GABRG1: variants seen among roughly 807,000 people sequenced by gnomAD.
GABRG1 encodes gamma-aminobutyric acid type A receptor subunit gamma1, also known as gamma-aminobutyric acid receptor subunit gamma-1.
GABRG1 carries 49 observed loss-of-function variants against 49.8 expected under a neutral mutation model. That is an observed-to-expected ratio of 0.98 (90% CI 0.78 to 1.25). GABRG1 has a LOEUF of 1.25. GABRG1 is among the 50% of genes most tolerant of loss of function. The probability of loss-of-function intolerance (pLI) is 0.00; values close to 1 mark genes in which losing one functional copy is unlikely to be tolerated. For missense variants in GABRG1, 552 were observed against 552.3 expected (o/e 1.00, Z 0.01); for synonymous variants, 232 against 185.1 (o/e 1.25, Z -2.06).
chr4:46,105,377 TACAG>T (rs1720500235), intron 1 of GABRG1, among the ~76,000 whole-genome samples: 1 of 151,482 alleles, frequency 6.6e-6, no homozygotes, highest in African/African-American at 2.4e-5. Context: ...GGAAGAATGA[TACAG>T]ACAAATATAA....
intron 1 of GABRG1, among the ~76,000 whole-genome samples, chr4:46,103,354 A>G (rs1222683535): frequency 6.6e-6 from 1 of 151,616 alleles, no homozygotes; most frequent in Admixed American, 6.6e-5. Context: ...TGTACAGAAA[A>G]AATTCACTGG....
At chr4:46,121,944 C>T (rs187628588) in intron 1 of GABRG1, among the ~76,000 whole-genome samples, 76 of 152,150 alleles carry the variant, frequency 5.0e-4, no homozygotes, top group Non-Finnish European at 8.8e-4. Context: ...TTGAAAAGTA[C>T]TTAGATAAAA....
intron 1 of GABRG1, among the ~76,000 whole-genome samples, chr4:46,098,288 T>TA (rs1354181837): frequency 6.6e-6 from 1 of 151,756 alleles, no homozygotes; most frequent in Non-Finnish European, 1.5e-5. Context: ...TGCCCATAAG[T>TA]AACGCCATCT....
chr4:46,087,166 T>A (rs973118516), intron 2 of GABRG1, among the ~76,000 whole-genome samples: 1 of 151,698 alleles, frequency 6.6e-6, no homozygotes, highest in Non-Finnish European at 1.5e-5. Context: ...TTTCTCTATT[T>A]TTTTTAAAGA....
chr4:46,051,378 A>C, intron 8 of GABRG1, 46 bp downstream of exon 8: 1 of 1,354,592 alleles, frequency 7.4e-7, no homozygotes, highest in Non-Finnish European at 1.0e-6. Flanking sequence ...GAGTATCTCT[A>C]AGTAAGTTGA....
chr4:46,105,386 A>C (rs377052281), intron 1 of GABRG1, among the ~76,000 whole-genome samples: 3 of 151,558 alleles, frequency 2.0e-5, no homozygotes, highest in Non-Finnish European at 4.4e-5. Flanking sequence ...ATACAGACAA[A>C]TATAAACACT....
chr4:46,041,226 G>A lies in GABRG1; in HGVS notation c.1160C>T (p.Thr387Ile), dbSNP rs575728108. The A allele has an allele frequency of 2.5e-6, 4 of 1,612,636 alleles. No homozygotes were observed. The highest frequency in any genetic ancestry group is 3.4e-6 in the Non-Finnish European group (4 of 1,179,098). ...SMTPGLHPGS[T>I]LIPMNNISVP... ...AGAAATATTATTCATTGGAATCAGA[G>A]TGGATCCAGGATGGAGACCAGGAGT... The change falls in exon 9 of 9, where the codon ACT becomes ATT. Residue 387 changes from threonine to isoleucine, a missense_variant. Transcript: ENST00000295452.
intron 8 of GABRG1, among the ~76,000 whole-genome samples, chr4:46,045,052 T>G (rs1203236690): frequency 6.6e-6 from 1 of 152,054 alleles, no homozygotes; most frequent in Non-Finnish European, 1.5e-5. Flanking sequence ...CATACGAAAC[T>G]TACCGGGCCT....
At chr4:46,070,979 C>T (rs181475029) in intron 3 of GABRG1, among the ~76,000 whole-genome samples, 1 of 152,132 alleles carries the variant, frequency 6.6e-6, no homozygotes, top group Admixed American at 6.6e-5. Context: ...TCATGCACTG[C>T]CTAATGACAT....
intron 5 of GABRG1, among the ~76,000 whole-genome samples, chr4:46,061,427 C>A (rs560516262): frequency 4.7e-4 from 71 of 152,112 alleles, no homozygotes; most frequent in African/African-American, 1.7e-3. Context: ...TACACTCTAC[C>A]AAATTCTAGA....
intron 3 of GABRG1, among the ~76,000 whole-genome samples, chr4:46,076,895 G>A (rs1025970862): frequency 4.6e-5 from 7 of 151,336 alleles, no homozygotes; most frequent in Admixed American, 2.6e-4. Context: ...TCTAGGGTGT[G>A]TATATATATA....
intron 2 of GABRG1, among the ~76,000 whole-genome samples, chr4:46,089,216 C>T (rs2109426196): frequency 6.6e-6 from 1 of 151,948 alleles, no homozygotes; most frequent in East Asian, 2.0e-4. Flanking sequence ...CCAGATTTCC[C>T]AAGCCAGGGA....
intron 1 of GABRG1, among the ~76,000 whole-genome samples, chr4:46,115,140 A>T: frequency 6.6e-6 from 1 of 150,824 alleles, no homozygotes; most frequent in Non-Finnish European, 1.5e-5. Context: ...ATAAGATATT[A>T]TTTAAAAAGG....
intron 1 of GABRG1, among the ~76,000 whole-genome samples, chr4:46,112,251 A>G (rs1423778985): frequency 2.6e-5 from 4 of 151,236 alleles, no homozygotes; most frequent in Non-Finnish European, 4.4e-5. Context: ...CCACACCTCT[A>G]AACGTCAGAG....
rs377481920 is a variant in GABRG1 at position 46,118,132 on chromosome 4, G to GTGTGTATATATATATATATATATA, written c.104+5677_104+5678insTATATATATATATATATATACACA. Reference sequence around the variant, plus strand: ...TATATACATATATACGTGTGTGTGTGTATATATATATATACAGCTACAGTA... The same window carrying GTGTGTATATATATATATATATATA: ...TATATACATATATACGTGTGTGTGTGTGTGTATATATATATATATATATATATATATATATATACAGCTACAGTA... On this transcript the variant is annotated intron_variant, in intron 1 of 8. Coordinates refer to ENST00000295452, the MANE Select transcript of GABRG1 (RefSeq NM_173536.4). Among the ~76,000 whole-genome samples, 26 of 109,962 alleles carry GTGTGTATATATATATATATATATA rather than the reference G, an allele frequency of 2.4e-4. 1 individual carries two copies. The highest frequency in any genetic ancestry group is 4.3e-3 in the Middle Eastern group (1 of 230). The allele number at this position is 109,962 out of a possible 152,430, so 72.1% of individuals were successfully genotyped here.
intron 8 of GABRG1, among the ~76,000 whole-genome samples, chr4:46,042,823 A>G (rs368150039): frequency 1.3e-5 from 2 of 152,014 alleles, no homozygotes; most frequent in African/African-American, 4.8e-5. Flanking sequence ...ATTAGAGACA[A>G]ATGTGCACCT....
intron 5 of GABRG1, among the ~76,000 whole-genome samples, chr4:46,061,701 A>G (rs1482499400): frequency 1.3e-5 from 2 of 151,840 alleles, no homozygotes; most frequent in African/African-American, 4.8e-5. Flanking sequence ...AAAGCATTTT[A>G]ATATAACTGA....
At position 46,051,590 on chromosome 4, in the gene GABRG1, T is replaced by C. The variant is rs1216623454; in HGVS notation, c.965A>G (p.Lys322Arg). The change falls in exon 8 of 9, where the codon AAG becomes AGG. Residue 322 changes from lysine (K) to arginine (R), a missense_variant. Lys to Arg is a conservative substitution (Grantham distance 26, BLOSUM62 2). Coordinates refer to ENST00000295452, the MANE Select transcript of GABRG1 (RefSeq NM_173536.4). Reference protein sequence around the residue: ...TMTTLSTIARKSLPKVSYVTA... With the variant: ...TMTTLSTIARRSLPKVSYVTA... The stretch of plus-strand genomic sequence containing the variant: ...CACATAAGAAACCTTAGGTAAAGAC[T>C]TCCTGGCAATTGTACTCAGGGTTGT... 1 of 1,611,292 alleles carries C rather than the reference T, an allele frequency of 6.2e-7. No individual in the cohort carries two copies. The highest frequency in any genetic ancestry group is 8.5e-7 in the Non-Finnish European group (1 of 1,178,248).
At chr4:46,050,844 C>A (rs772502567) in intron 8 of GABRG1, among the ~76,000 whole-genome samples, 2 of 151,770 alleles carry the variant, frequency 1.3e-5, no homozygotes, top group African/African-American at 2.4e-5. Context: ...ATATTACTTT[C>A]AGGTTGCTAT....
Sources: gnomAD v4.1 joint callset for allele counts (sites outside exome capture counted in the v4.1 genomes callset) on GRCh38, gnomAD v4.1.1 for gene constraint, MANE v1.5 for transcripts, NCBI Gene and HGNC (gene_info 2026-07-23, HGNC 2026-07-21) for gene names.